The following SEC14L1 variants were observed in gnomAD, a reference collection of about 807,000 sequenced individuals.
SEC14L1 encodes SEC14-like protein 1.
SEC14L1 carries 48 observed loss-of-function variants against 85.3 expected under a neutral mutation model. The observed-to-expected ratio is 0.56, with a 90% CI of 0.45 to 0.72. SEC14L1 has a LOEUF of 0.72. Among genes scored for constraint, SEC14L1 ranks in the 30% least tolerant of loss-of-function variants. The pLI is 0.00. For synonymous variants in SEC14L1, 391 were observed against 355.5 expected, an observed-to-expected ratio of 1.10 and a Z score of -1.12; for missense variants, 682 against 921.4, an observed-to-expected ratio of 0.74 and a Z score of 3.36.
At chr17:77,139,921 A>G (rs1362506960), upstream of SEC14L1, among the ~76,000 whole-genome samples, 1 of 152,110 alleles carries the variant, frequency 6.6e-6, no homozygotes, top group Non-Finnish European at 1.5e-5. Context: ...GCCATGAATG[A>G]TTTGCTTGTG....
At chr17:77,110,340 G>A (rs960286077) in intron 3 of SEC14L1, among the ~76,000 whole-genome samples, 2 of 152,162 alleles carry the variant, frequency 1.3e-5, no homozygotes, top group African/African-American at 2.4e-5. Context: ...AGAGAGCCTG[G>A]ATCTTGCAGC....
chr17:77,192,203 TTGTC>T (rs1298253909), intron 5 of SEC14L1, among the ~76,000 whole-genome samples: 1 of 152,188 alleles, frequency 6.6e-6, no homozygotes, highest in Non-Finnish European at 1.5e-5. Flanking sequence ...CCGAGAGTGT[TTGTC>T]TGTCTCAGTA....
At position 77,213,272 on chromosome 17, in the gene SEC14L1, G is replaced by T; in HGVS notation, c.1864-42G>T. On this transcript the variant is annotated intron_variant, in intron 15 of 16. Transcript: ENST00000436233. This position sits in a 1 kb window ranked among gnomAD's most constrained non-coding sequence, Gnocchi z 7.1. ...CAGGCCTGTGGTAGGCCAGGGGTCGGAAGCGAGTCGCCCTCAGCTGCCACT... is the reference window on the plus strand; with the variant it reads ...CAGGCCTGTGGTAGGCCAGGGGTCGTAAGCGAGTCGCCCTCAGCTGCCACT... 1 of 1,555,626 alleles carries T rather than the reference G, an allele frequency of 6.4e-7. No individual in the cohort carries two copies. Among genetic ancestry groups the T allele is most frequent in the South Asian group, 1.2e-5 (1 of 81,614 alleles).
At chr17:77,201,308 C>T (rs954492298) in intron 9 of SEC14L1, among the ~76,000 whole-genome samples, 2 of 152,288 alleles carry the variant, frequency 1.3e-5, no homozygotes, top group South Asian at 2.1e-4. Flanking sequence ...TTGGAAACGT[C>T]GGCGAGAGGG....
At chr17:77,105,342 ACT>A (rs1302332796) in intron 3 of SEC14L1, among the ~76,000 whole-genome samples, 13 of 145,366 alleles carry the variant, frequency 8.9e-5, no homozygotes, top group Non-Finnish European at 1.3e-4. Flanking sequence ...CAAGAAAGTG[ACT>A]CTAGCCTGTG....
At chr17:77,134,016 T>C (rs959475368) in intron 3 of SEC14L1, among the ~76,000 whole-genome samples, 1 of 150,878 alleles carries the variant, frequency 6.6e-6, no homozygotes, top group Non-Finnish European at 1.5e-5. Context: ...GTAATTCGAC[T>C]TTAAAGGGAT....
At position 77,206,146 on chromosome 17, in the gene SEC14L1, A is replaced by C. The variant is rs575760350; in HGVS notation, c.1170-83A>C. ...TATGATGTATTTGGAAATAGCTATA[A>C]ATGACCAAAAAGGAAGAAAATAAGA... On this transcript the variant is annotated intron_variant, in intron 11 of 16. Transcript: ENST00000436233. The surrounding 1 kb of genome is among the most constrained non-coding windows in gnomAD (Gnocchi z 4.3). The C allele has an allele frequency of 2.4e-5, 34 of 1,420,746 alleles. No individual in the cohort carries two copies. Among genetic ancestry groups the C allele is most frequent in the East Asian group, 1.2e-4 (5 of 43,274 alleles). 88.0% of individuals were successfully genotyped at this position (1,420,746 alleles called of 1,614,324 possible). A position where few individuals can be genotyped will look rare whatever the true frequency, so the allele number is the denominator to read the frequency against.
intron 3 of SEC14L1, among the ~76,000 whole-genome samples, chr17:77,150,800 C>T (rs930387454): frequency 5.3e-5 from 8 of 152,190 alleles, no homozygotes; most frequent in South Asian, 2.1e-4. Flanking sequence ...ACCATCCATC[C>T]GCCCACCCGT....
chr17:77,179,176 G>T (rs935048056), intron 3 of SEC14L1, among the ~76,000 whole-genome samples: 1 of 152,176 alleles, frequency 6.6e-6, no homozygotes, highest in Non-Finnish European at 1.5e-5. Context: ...CCCATTCCCT[G>T]TCTGTTGTGT....
chr17:77,216,966 C>T lies in SEC14L1; in HGVS notation c.*2943C>T. The T allele has an allele frequency of 5.8e-6, 1 of 173,020 alleles. No individual in the cohort carries two copies. The highest frequency in any genetic ancestry group is 1.2e-5 in the Non-Finnish European group (1 of 80,154). 10.7% of individuals were successfully genotyped at this position (173,020 alleles called of 1,614,324 possible). A position where few individuals can be genotyped will look rare whatever the true frequency, so the allele number is the denominator to read the frequency against. On this transcript the variant is annotated 3_prime_UTR_variant, in exon 17 of 17. Transcript: ENST00000436233. ...TATTATGTCTTAATTCACTTTCCTT[C>T]CTAAATTTGTTATTTGCATATCAAA...
At chr17:77,155,856 A>C (rs1178244145) in intron 3 of SEC14L1, among the ~76,000 whole-genome samples, 1 of 152,108 alleles carries the variant, frequency 6.6e-6, no homozygotes, top group African/African-American at 2.4e-5. Flanking sequence ...CTGGGATTAC[A>C]GGCGTGAGCC....
chr17:77,092,899 G>C (rs1319688565), intron 2 of SEC14L1, among the ~76,000 whole-genome samples: 1 of 137,910 alleles, frequency 7.3e-6, no homozygotes, highest in Non-Finnish European at 1.5e-5. Flanking sequence ...GGTGAGCCGA[G>C]ATCACGCCAT....
At chr17:77,157,567 G>A (rs1487063161) in intron 3 of SEC14L1, among the ~76,000 whole-genome samples, 6 of 149,934 alleles carry the variant, frequency 4.0e-5, no homozygotes, top group Non-Finnish European at 7.4e-5. Flanking sequence ...TCGCTGCGTT[G>A]CCCAGGCTGG....
At chr17:77,139,849 G>A (rs1972923121), upstream of SEC14L1, among the ~76,000 whole-genome samples, 2 of 152,112 alleles carry the variant, frequency 1.3e-5, no homozygotes, top group Non-Finnish European at 2.9e-5. Context: ...TGAATGTAGT[G>A]AATAATGTAG....
Position 77,110,877 on chromosome 17 carries a change from C to CAAAAAAA in SEC14L1, c.-136+17546_-136+17552dup. On this transcript the variant is annotated intron_variant, in intron 3 of 19. Coordinates refer to the SEC14L1 transcript ENST00000392476. ...TGGGCGACAGAGTGAGACTCTGTCT[C>CAAAAAAA]AAAAAAAAAAAAAAAAAAAAAAGAA... 4.3e-5 allele frequency among the ~76,000 whole-genome samples: 2 copies of CAAAAAAA among 46,660 alleles called. 1 individual carries two copies. Among genetic ancestry groups the CAAAAAAA allele is most frequent in the African/African-American group, 2.0e-4 (2 of 10,092 alleles). The allele number at this position is 46,660 out of a possible 152,430, so 30.6% of individuals were successfully genotyped here.
chr17:77,128,837 C>A (rs952004648), intron 3 of SEC14L1, among the ~76,000 whole-genome samples: 3 of 152,096 alleles, frequency 2.0e-5, no homozygotes, highest in Non-Finnish European at 1.5e-5. Context: ...GCCAGATGAC[C>A]ATCTCCCCAT....
intron 15 of SEC14L1, 100 bp downstream of exon 15, chr17:77,212,301 T>G (rs2143223623): frequency 2.0e-6 from 3 of 1,504,000 alleles, no homozygotes; most frequent in Non-Finnish European, 1.8e-6. Flanking sequence ...AGCAGCCCTG[T>G]GTAGCTTTTG....
At chr17:77,143,815 G>T (rs1598291557) in intron 3 of SEC14L1, 156 bp downstream of exon 3, 1 of 475,396 alleles carries the variant, frequency 2.1e-6, no homozygotes, top group Non-Finnish European at 3.7e-6. Flanking sequence ...TGTGTAAAAT[G>T]TTTTTAAAAT....
chr17:77,206,166 A>G lies in SEC14L1; in HGVS notation c.1170-63A>G. ...CTATAAATGACCAAAAAGGAAGAAAATAAGACACAGTTTGCTAAGTGTGCT... is the reference window on the plus strand; with the variant it reads ...CTATAAATGACCAAAAAGGAAGAAAGTAAGACACAGTTTGCTAAGTGTGCT... On this transcript the variant is annotated intron_variant, in intron 11 of 16. Transcript: ENST00000436233. The surrounding 1 kb of genome is among the most constrained non-coding windows in gnomAD (Gnocchi z 4.3). The G allele has an allele frequency of 6.5e-7, 1 of 1,536,610 alleles. No individual in the cohort carries two copies. Among genetic ancestry groups the G allele is most frequent in the Non-Finnish European group, 8.9e-7 (1 of 1,126,072 alleles).
Sources: gnomAD v4.1 joint callset for allele counts (sites outside exome capture counted in the v4.1 genomes callset) on GRCh38, gnomAD v4.1.1 for gene constraint, Gnocchi (gnomAD v3.1) non-coding constraint, MANE v1.5 for transcripts, NCBI Gene and HGNC (gene_info 2026-07-23, HGNC 2026-07-21) for gene names.